The following WDFY2 variants were observed in gnomAD, a reference collection of about 807,000 sequenced individuals.
The protein encoded by WDFY2 is WD repeat and FYVE domain-containing protein 2.
In WDFY2, 36 loss-of-function variants were observed where a neutral mutation model predicts 56.4. The observed-to-expected ratio is 0.64, with a 90% CI of 0.49 to 0.84. WDFY2 has a LOEUF of 0.84. Ranked by LOEUF, WDFY2 falls within the 40% of genes least tolerant of loss-of-function variation. The pLI, the probability that WDFY2 is intolerant of heterozygous loss-of-function variation, is 0.00. For synonymous variants in WDFY2, 176 were observed against 183.7 expected (o/e 0.96, Z 0.34); for missense variants, 444 against 512.2 (o/e 0.87, Z 1.29).
Position 51,739,169 on chromosome 13 carries a change from G to A in WDFY2, c.719G>A (p.Gly240Glu). The change falls in exon 7 of 12, where the codon GGA (glycine) becomes GAA (glutamate). Residue 240 changes from glycine (G) to glutamate (E), a missense_variant. Transcript: ENST00000298125. ...GRKGTAIELQGHNDRVQALSY... is the reference protein window; with the variant it reads ...GRKGTAIELQEHNDRVQALSY... ...AAAGGAACAGCCATCGAGCTCCAAG[G>A]ACACAAGTAAGGTTGCTGGTGCTTT... The A allele has an allele frequency of 6.3e-7, 1 of 1,587,536 alleles. No individual in the cohort carries two copies. The highest frequency in any genetic ancestry group is 8.6e-7 in the Non-Finnish European group (1 of 1,167,348).
intron 3 of WDFY2, among the ~76,000 whole-genome samples, chr13:51,694,650 A>G (rs1951822711): frequency 6.6e-6 from 1 of 152,056 alleles, no homozygotes; most frequent in South Asian, 2.1e-4. Context: ...GAATGTGACA[A>G]TTATGTGTCT....
intron 1 of WDFY2, among the ~76,000 whole-genome samples, chr13:51,604,859 A>G (rs1333435443): frequency 6.6e-6 from 1 of 152,210 alleles, no homozygotes; most frequent in Non-Finnish European, 1.5e-5. Context: ...GATTGTCAGG[A>G]GGGCACATTG....
At chr13:51,748,105 C>T (rs1953145316) in intron 7 of WDFY2, among the ~76,000 whole-genome samples, 1 of 152,078 alleles carries the variant, frequency 6.6e-6, no homozygotes, top group Admixed American at 6.6e-5. Context: ...CTATAGAGCC[C>T]ACATTCCACA....
At chr13:51,705,617 T>C (rs1952067096) in intron 4 of WDFY2, among the ~76,000 whole-genome samples, 1 of 151,902 alleles carries the variant, frequency 6.6e-6, no homozygotes. Context: ...AGTAGGTATA[T>C]ATATTTGTGG....
At chr13:51,730,892 G>C (rs1196504964) in intron 6 of WDFY2, among the ~76,000 whole-genome samples, 1 of 152,212 alleles carries the variant, frequency 6.6e-6, no homozygotes, top group Admixed American at 6.5e-5. Flanking sequence ...GGTCAAGGTG[G>C]AGGGGCAGCC....
At chr13:51,698,224 A>G (rs1449758210) in intron 3 of WDFY2, among the ~76,000 whole-genome samples, 3 of 152,242 alleles carry the variant, frequency 2.0e-5, no homozygotes, top group East Asian at 1.9e-4. Flanking sequence ...ATGGAAAACT[A>G]TAGACCAATA....
rs13378372 is a variant in WDFY2, at chr13:51,619,969, A to C, written c.137+35145A>C. Among the ~76,000 whole-genome samples the C allele has an allele frequency of 1.7e-3, 258 of 152,260 alleles. 2 individuals carry two copies. The highest frequency in any genetic ancestry group is 6.1e-3 in the African/African-American group (253 of 41,536). On this transcript the variant is annotated intron_variant, in intron 1 of 11. Coordinates refer to ENST00000298125, the MANE Select transcript of WDFY2 (RefSeq NM_052950.4). The stretch of plus-strand genomic sequence containing the variant: ...ATGGAGAAACCTTTAGGCCTAACTT[A>C]AAGTATGTATGGAGGCAGCTTTAGA...
chr13:51,669,397 A>T (rs1593964391), intron 2 of WDFY2, among the ~76,000 whole-genome samples: 1 of 152,172 alleles, frequency 6.6e-6, no homozygotes, highest in East Asian at 1.9e-4. Flanking sequence ...TAAAGGTGAG[A>T]CTCTGACAGG....
chr13:51,662,215 C>T (rs757126703), intron 2 of WDFY2, among the ~76,000 whole-genome samples: 2 of 152,214 alleles, frequency 1.3e-5, no homozygotes, highest in Non-Finnish European at 2.9e-5. Flanking sequence ...AGGTAACCCA[C>T]CTGCCTCGGC....
At chr13:51,635,740 C>T (rs1955035333) in intron 1 of WDFY2, among the ~76,000 whole-genome samples, 5 of 152,202 alleles carry the variant, frequency 3.3e-5, no homozygotes, top group Admixed American at 3.3e-4. Context: ...CAGGATCTCT[C>T]TTACTCGTAG....
chr13:51,695,946 A>G (rs1377683462), intron 3 of WDFY2, among the ~76,000 whole-genome samples: 3 of 152,146 alleles, frequency 2.0e-5, no homozygotes, highest in Non-Finnish European at 4.4e-5. Context: ...TGTGCTAGCA[A>G]TCAGCAAGAC....
intron 1 of WDFY2, among the ~76,000 whole-genome samples, chr13:51,654,564 C>A (rs1453309787): frequency 6.6e-6 from 1 of 152,128 alleles, no homozygotes; most frequent in Non-Finnish European, 1.5e-5. Context: ...TTTTTTTCCC[C>A]CAATACCCTA....
intron 1 of WDFY2, among the ~76,000 whole-genome samples, chr13:51,618,485 G>A (rs530857913): frequency 1.3e-5 from 2 of 152,346 alleles, no homozygotes; most frequent in South Asian, 4.1e-4. Context: ...GAATGCCTGT[G>A]TATGTGGATG....
rs1270150303 is a variant in WDFY2 at position 51,761,737 on chromosome 13, A to G, written c.*1968A>G. The G allele has an allele frequency of 6.6e-6, 1 of 152,118 alleles. No individual in the cohort carries two copies. The highest frequency in any genetic ancestry group is 1.5e-5 in the Non-Finnish European group (1 of 68,022). The allele number at this position is 152,118 out of a possible 1,614,324, so 9.4% of individuals were successfully genotyped here. A position where few individuals can be genotyped will look rare whatever the true frequency, so the allele number is the denominator to read the frequency against. The stretch of plus-strand genomic sequence containing the variant: ...TGTTTCCCTGGGATGGGGCCTTGCT[A>G]GAGGTGATTCTGCTGCCCCAGCATT... On this transcript the variant is annotated 3_prime_UTR_variant, in exon 12 of 12. Transcript: ENST00000298125.
At position 51,751,296 on chromosome 13, in the gene WDFY2, G is replaced by T. The variant is rs769963083; in HGVS notation, c.726-14G>T. The T allele has an allele frequency of 1.7e-5, 27 of 1,610,226 alleles. No homozygotes were observed. Among genetic ancestry groups the T allele is most frequent in the Non-Finnish European group, 2.0e-5 (24 of 1,178,462 alleles). On this transcript the variant is annotated splice_polypyrimidine_tract_variant and intron_variant, in intron 7 of 11. Coordinates refer to ENST00000298125, the MANE Select transcript of WDFY2 (RefSeq NM_052950.4). ...TTCTCCTAAACTGTCAATAACCCTT[G>T]GTTTCTTTCACAGCGACAGAGTCCA...
At chr13:51,607,179 T>C (rs1954398770) in intron 1 of WDFY2, among the ~76,000 whole-genome samples, 1 of 152,224 alleles carries the variant, frequency 6.6e-6, no homozygotes, top group African/African-American at 2.4e-5. Context: ...CCTTTAAGTA[T>C]CTCTGAAATC....
At chr13:51,745,973 C>CTTTTTTTTTTTTTTTTTTTTTTTT (rs59572351) in intron 7 of WDFY2, among the ~76,000 whole-genome samples, 5 of 100,740 alleles carry the variant, frequency 5.0e-5, no homozygotes, top group East Asian at 3.0e-4. Flanking sequence ...TTTTCTTTTT[C>CTTTTTTTTTTTTTTTTTTTTTTTT]TTTTTTTTTT....
intron 5 of WDFY2, among the ~76,000 whole-genome samples, chr13:51,726,647 T>C (rs1326590041): frequency 6.6e-6 from 1 of 152,222 alleles, no homozygotes; most frequent in South Asian, 2.1e-4. Context: ...GCCACTCTTA[T>C]CAGTTAATGG....
intron 6 of WDFY2, among the ~76,000 whole-genome samples, chr13:51,734,268 AT>A (rs1012770744): frequency 2.6e-4 from 39 of 152,320 alleles, no homozygotes; most frequent in African/African-American, 7.0e-4. Flanking sequence ...GGTAATATAT[AT>A]TAAATTTCTA....
Sources: gnomAD v4.1 joint callset for allele counts (sites outside exome capture counted in the v4.1 genomes callset) on GRCh38, gnomAD v4.1.1 for gene constraint, MANE v1.5 for transcripts, NCBI Gene and HGNC (gene_info 2026-07-23, HGNC 2026-07-21) for gene names.